The following KMT2E variants were observed in gnomAD, a reference collection of about 807,000 sequenced individuals.
KMT2E encodes lysine methyltransferase 2E (inactive), also known as histone reader KMT2E.
A neutral mutation model predicts 184.6 loss-of-function variants in KMT2E; 30 were observed. The observed-to-expected ratio is 0.16, with a 90% CI of 0.12 to 0.22. KMT2E has a LOEUF of 0.22. KMT2E is among the 10% of genes least tolerant of loss of function. The pLI is 1.00. For synonymous variants in KMT2E, 815 were observed against 776.5 expected (o/e 1.05, Z -0.82); for missense variants, 2,023 against 2,237.4 (o/e 0.90, Z 1.93).
At chr7:105,093,275 A>G (rs1395336765) in intron 15 of KMT2E, among the ~76,000 whole-genome samples, 1 of 152,160 alleles carries the variant, frequency 6.6e-6, no homozygotes, top group Non-Finnish European at 1.5e-5. Flanking sequence ...TTTTATTCAG[A>G]TTGAATTCTC....
At chr7:105,063,229 A>T (rs1040772512) in intron 4 of KMT2E, 122 bp from the exon 5 acceptor site, 8 of 672,858 alleles carry the variant, frequency 1.2e-5, no homozygotes, top group African/African-American at 5.6e-5. Context: ...TTAAGGAAGG[A>T]ATGAGCCAGT....
At chr7:105,083,488 C>G (rs1244042898) in intron 13 of KMT2E, among the ~76,000 whole-genome samples, 1 of 152,102 alleles carries the variant, frequency 6.6e-6, no homozygotes, top group African/African-American at 2.4e-5. Context: ...TCAATGGTAC[C>G]AATCCAGAAA....
Position 105,114,133 on chromosome 7 carries a change from C to CAGA in KMT2E, c.*803_*805dup, listed in dbSNP as rs1799484515. On this transcript the variant is annotated 3_prime_UTR_variant, in exon 27 of 27. Transcript: ENST00000311117. ...TAAGATCGGGATCTGTGTGTTTCTA[C>CAGA]AGAAGTTCTAGTTTTCAAATATAGA... 2 of 152,412 alleles carry CAGA rather than the reference C, an allele frequency of 1.3e-5. No homozygotes were observed. Among genetic ancestry groups the CAGA allele is most frequent in the African/African-American group, 4.8e-5 (2 of 41,412 alleles). The allele number at this position is 152,412 out of a possible 1,614,324, so 9.4% of individuals were successfully genotyped here.
At chr7:105,014,689 T>G (rs1263940978) in intron 1 of KMT2E, among the ~76,000 whole-genome samples, 154 bp downstream of exon 1, 1 of 152,118 alleles carries the variant, frequency 6.6e-6, no homozygotes, top group African/African-American at 2.4e-5. Context: ...CGTTGCTTGC[T>G]TAAATCGAAT....
rs1584751426 is a variant in KMT2E at position 105,066,929 on chromosome 7, T to C, written c.497+122T>C. On this transcript the variant is annotated intron_variant, in intron 6 of 26. Transcript: ENST00000311117. The stretch of plus-strand genomic sequence containing the variant: ...AATCACAGCCGGGCATGGTGGCTCA[T>C]GCCTGTAGTGCCAACTACTTGGGAG... 15 of 681,702 alleles carry C rather than the reference T, an allele frequency of 2.2e-5. No individual in the cohort carries two copies. The East Asian group carries it at 4.2e-4, about 19-fold the overall frequency. The allele number at this position is 681,702 out of a possible 1,614,324, so 42.2% of individuals were successfully genotyped here. A position where few individuals can be genotyped will look rare whatever the true frequency, so the allele number is the denominator to read the frequency against.
intron 1 of KMT2E, among the ~76,000 whole-genome samples, chr7:105,025,689 G>C (rs1033794445): frequency 2.0e-5 from 3 of 152,156 alleles, no homozygotes; most frequent in African/African-American, 7.2e-5. Context: ...TATTGTACTT[G>C]TAATGTGTTT....
At position 105,111,681 on chromosome 7, in the gene KMT2E, A is replaced by G. The variant is rs1799289333; in HGVS notation, c.4069-144A>G. 8 of 971,954 alleles carry G rather than the reference A, an allele frequency of 8.2e-6. No homozygotes were observed. In the South Asian group the frequency reaches 1.5e-4, roughly 18 times the overall value. The allele number at this position is 971,954 out of a possible 1,614,324, so 60.2% of individuals were successfully genotyped here. On this transcript the variant is annotated intron_variant, in intron 26 of 26. Coordinates refer to ENST00000311117, the MANE Select transcript of KMT2E (RefSeq NM_182931.3). ...AAAATATTGGCCTTTTAACATCCCA[A>G]GCCTCCATAATTGACGTATCCAGGA...
chr7:105,063,415 T>C lies in KMT2E; in HGVS notation c.251T>C (p.Ile84Thr). ...PPASPPPSVL[I>T]SKNEVGIFTT... Reference sequence around the variant, plus strand: ...GCTTCCCCTCCTCCATCAGTCCTTATTAGCAAAAATGAAGTAGGCATATTT... The same window carrying C: ...GCTTCCCCTCCTCCATCAGTCCTTACTAGCAAAAATGAAGTAGGCATATTT... The change falls in exon 5 of 27, where the codon ATT becomes ACT. Residue 84 changes from isoleucine (I) to threonine (T), a missense_variant. Physicochemically the swap from Ile to Thr is moderately conservative, Grantham distance 89 (BLOSUM62 -1). Coordinates refer to ENST00000311117, the MANE Select transcript of KMT2E (RefSeq NM_182931.3). The C allele has an allele frequency of 6.2e-7, 1 of 1,613,900 alleles. No homozygotes were observed. Among genetic ancestry groups the C allele is most frequent in the Non-Finnish European group, 8.5e-7 (1 of 1,179,892 alleles).
chr7:105,095,605 ATTTTCT>A (rs1798373879), intron 15 of KMT2E, among the ~76,000 whole-genome samples: 1 of 151,954 alleles, frequency 6.6e-6, no homozygotes, highest in Non-Finnish European at 1.5e-5. Context: ...TTTTATGAAC[ATTTTCT>A]TTTTCCATCC....
intron 1 of KMT2E, among the ~76,000 whole-genome samples, chr7:105,030,431 A>G (rs1302459116): frequency 6.6e-6 from 1 of 152,252 alleles, no homozygotes; most frequent in East Asian, 1.9e-4. Context: ...AACAATAGCA[A>G]AAAAGACTTG....
intron 5 of KMT2E, 52 bp downstream of exon 5, chr7:105,063,632 G>A: frequency 1.6e-6 from 2 of 1,218,918 alleles, no homozygotes; most frequent in South Asian, 3.0e-5. Flanking sequence ...GATAACCTTT[G>A]GTAATGTTGG....
Position 105,022,329 on chromosome 7 carries a change from T to C in KMT2E, c.-189+7794T>C, listed in dbSNP as rs1476635194. On this transcript the variant is annotated intron_variant, in intron 1 of 26. Coordinates refer to ENST00000311117, the MANE Select transcript of KMT2E (RefSeq NM_182931.3). ...CTTTTAATCTGGAACAGTTCCTCCA[T>C]CTTTGTCTTTCATGACATTGGAAGG... is the stretch of plus-strand genomic sequence containing the variant. Among the ~76,000 whole-genome samples, 5 of 152,204 alleles carry C rather than the reference T, an allele frequency of 3.3e-5. No homozygotes were observed. In the East Asian group the frequency reaches 9.6e-4, roughly 29 times the overall value.
chr7:105,070,187 C>G (rs183840465), intron 6 of KMT2E, among the ~76,000 whole-genome samples: 2 of 151,896 alleles, frequency 1.3e-5, no homozygotes, highest in Admixed American at 6.5e-5. Flanking sequence ...TTTTCCCCCT[C>G]TCTGGGTTAA....
At chr7:105,089,042 A>C (rs1358915193) in intron 13 of KMT2E, among the ~76,000 whole-genome samples, 1 of 152,216 alleles carries the variant, frequency 6.6e-6, no homozygotes, top group East Asian at 1.9e-4. Context: ...TGGGATACTG[A>C]AGTAATTATG....
chr7:105,053,095 T>C (rs1271173509), intron 3 of KMT2E, among the ~76,000 whole-genome samples: 1 of 152,216 alleles, frequency 6.6e-6, no homozygotes, highest in African/African-American at 2.4e-5. Flanking sequence ...ATAAATAGTC[T>C]TTAAAAATTG....
At chr7:105,014,734 C>T (rs147458874) in intron 1 of KMT2E, among the ~76,000 whole-genome samples, 199 bp downstream of exon 1, 4 of 152,160 alleles carry the variant, frequency 2.6e-5, no homozygotes, top group Non-Finnish European at 4.4e-5. Flanking sequence ...AGAAATGGAG[C>T]ATTATGGCGG....
chr7:105,110,391 C>T (rs1333361098), intron 24 of KMT2E, 23 bp downstream of exon 24: 1 of 1,613,576 alleles, frequency 6.2e-7, no homozygotes, highest in East Asian at 2.2e-5. Flanking sequence ...GTTCCTTCAC[C>T]AGAAAGTGGA....
chr7:105,075,809 C>T (rs1390287249), intron 8 of KMT2E, among the ~76,000 whole-genome samples: 1 of 152,092 alleles, frequency 6.6e-6, no homozygotes, highest in Non-Finnish European at 1.5e-5. Flanking sequence ...GCCTCAGTCT[C>T]CTGAGTAGCT....
intron 1 of KMT2E, among the ~76,000 whole-genome samples, chr7:105,017,398 TTGG>T (rs1219565318): frequency 3.3e-5 from 5 of 151,900 alleles, no homozygotes; most frequent in South Asian, 2.1e-4. Flanking sequence ...TTGTTTCTTT[TTGG>T]TGGTGGTGGT....
Sources: gnomAD v4.1 joint callset for allele counts (sites outside exome capture counted in the v4.1 genomes callset) on GRCh38, gnomAD v4.1.1 for gene constraint, MANE v1.5 for transcripts, NCBI Gene and HGNC (gene_info 2026-07-23, HGNC 2026-07-21) for gene names.